YIPF7: variants seen among roughly 807,000 people sequenced by gnomAD.
YIPF7 encodes protein YIPF7.
In YIPF7, 35 loss-of-function variants were observed where a neutral mutation model predicts 27.2. The observed-to-expected ratio is 1.29, with a 90% CI of 0.98 to 1.70. The LOEUF (loss-of-function observed/expected upper bound fraction) is 1.70. Ranked by LOEUF, YIPF7 falls within the 40% of genes most tolerant of loss-of-function variation. The pLI is 0.00. For missense variants in YIPF7, 358 were observed against 303.7 expected (o/e 1.18, Z -1.33); for synonymous variants, 137 against 110.4 (o/e 1.24, Z -1.51).
intron 4 of YIPF7, among the ~76,000 whole-genome samples, chr4:44,624,985 G>T (rs1248769553): frequency 6.6e-6 from 1 of 152,156 alleles, no homozygotes; most frequent in Non-Finnish European, 1.5e-5. Flanking sequence ...CTTCTGACTA[G>T]AGTTAGGATG....
intron 2 of YIPF7, among the ~76,000 whole-genome samples, chr4:44,657,169 G>A (rs1349358477): frequency 6.6e-6 from 1 of 152,142 alleles, no homozygotes; most frequent in Non-Finnish European, 1.5e-5. Flanking sequence ...GATATAGTAT[G>A]TTTTTAATGT....
upstream of YIPF7, among the ~76,000 whole-genome samples, chr4:44,652,107 C>T (rs966824393): frequency 6.6e-6 from 1 of 152,114 alleles, no homozygotes; most frequent in African/African-American, 2.4e-5. Context: ...TTCCTGCTTC[C>T]TACTTTTCCA....
At chr4:44,634,431 G>T (rs1713033460) in intron 3 of YIPF7, among the ~76,000 whole-genome samples, 1 of 152,070 alleles carries the variant, frequency 6.6e-6, no homozygotes, top group African/African-American at 2.4e-5. Flanking sequence ...TACTCAGGAG[G>T]CTGAGGGGGA....
At chr4:44,627,918 A>G (rs1159214996) in intron 4 of YIPF7, among the ~76,000 whole-genome samples, 1 of 152,172 alleles carries the variant, frequency 6.6e-6, no homozygotes, top group Non-Finnish European at 1.5e-5. Flanking sequence ...TTATGTAAAT[A>G]ACTCCAACTA....
rs11461675 is a variant in YIPF7 at position 44,660,113 on chromosome 4, C to CAAAAAAAAAAAAA, written c.-2+323_-2+335dup. On this transcript the variant is annotated intron_variant, in intron 2 of 2. Transcript: ENST00000508947. ...TGGGTGACAGAGCAAGACTCTGTCT[C>CAAAAAAAAAAAAA]AAAAAAAAAAAAAAAAAAAAAAACG... is the stretch of plus-strand genomic sequence containing the variant. Among the ~76,000 whole-genome samples the CAAAAAAAAAAAAA allele has an allele frequency of 1.2e-3, 30 of 25,522 alleles. 10 individuals carry two copies. Among genetic ancestry groups the CAAAAAAAAAAAAA allele is most frequent in the Non-Finnish European group, 1.6e-3 (20 of 12,540 alleles). 16.7% of individuals were successfully genotyped at this position (25,522 alleles called of 152,430 possible).
intron 1 of YIPF7, among the ~76,000 whole-genome samples, chr4:44,651,328 C>T (rs1218413364): frequency 6.6e-6 from 1 of 152,064 alleles, no homozygotes; most frequent in Non-Finnish European, 1.5e-5. Flanking sequence ...AGTGATAAAT[C>T]TTTTAACAAT....
chr4:44,624,869 A>C, intron 4 of YIPF7, 87 bp from the exon 5 acceptor site: 2 of 1,247,152 alleles, frequency 1.6e-6, no homozygotes, highest in South Asian at 3.0e-5. Context: ...AGCATCTTAG[A>C]GTCAGTTCAG....
In YIPF7 at chr4:44,622,342, T is replaced by G; in HGVS notation, c.*72A>C. ...ATAAAACAGAAATCATATCACCAAATTTGAATGTTAATATATTTCCAAAAT... is the reference window on the plus strand; with the variant it reads ...ATAAAACAGAAATCATATCACCAAAGTTGAATGTTAATATATTTCCAAAAT... On this transcript the variant is annotated 3_prime_UTR_variant, in exon 6 of 6. Transcript: ENST00000415895. 6.7e-7 allele frequency: 1 copy of G among 1,494,914 alleles called. No homozygotes were observed. The highest frequency in any genetic ancestry group is 1.3e-5 in the South Asian group (1 of 74,960). 92.6% of individuals were successfully genotyped at this position (1,494,914 alleles called of 1,614,324 possible). A position where few individuals can be genotyped will look rare whatever the true frequency, so the allele number is the denominator to read the frequency against.
intron 2 of YIPF7, among the ~76,000 whole-genome samples, chr4:44,645,638 C>T (rs944845620): frequency 6.6e-6 from 1 of 152,116 alleles, no homozygotes; most frequent in African/African-American, 2.4e-5. Flanking sequence ...GTGATAATTT[C>T]AAATTCAGCA....
At chr4:44,626,804 C>G (rs1476037103) in intron 4 of YIPF7, among the ~76,000 whole-genome samples, 5 of 73,502 alleles carry the variant, frequency 6.8e-5, no homozygotes. Flanking sequence ...GTGATGGAGT[C>G]TCGCTCTTTC....
At chr4:44,651,753 T>C (rs1003567101), upstream of YIPF7, 6 of 512,210 alleles carry the variant, frequency 1.2e-5, no homozygotes, top group African/African-American at 3.9e-5. Context: ...ATAACACTTA[T>C]TATGGTTTAC....
intron 2 of YIPF7, among the ~76,000 whole-genome samples, chr4:44,649,412 T>C (rs1173528292): frequency 6.6e-6 from 1 of 152,158 alleles, no homozygotes; most frequent in East Asian, 1.9e-4. Context: ...GAGGCAAATG[T>C]TGGCTTTTCC....
Position 44,651,536 on chromosome 4 carries a change from G to A in YIPF7, c.-2+18C>T. Reference sequence around the variant, plus strand: ...TTTTGTTTAAATGCCAAGTCTTTTAGAAGGATCAGACACATACCTCTGTTT... The same window carrying A: ...TTTTGTTTAAATGCCAAGTCTTTTAAAAGGATCAGACACATACCTCTGTTT... On this transcript the variant is annotated intron_variant, in intron 1 of 5. Transcript: ENST00000415895. The A allele has an allele frequency of 6.5e-7, 1 of 1,539,236 alleles. No homozygotes were observed. Among genetic ancestry groups the A allele is most frequent in the Non-Finnish European group, 8.8e-7 (1 of 1,138,486 alleles).
At chr4:44,635,779 T>C (rs1176901252) in intron 3 of YIPF7, 143 bp downstream of exon 3, 1 of 959,242 alleles carries the variant, frequency 1.0e-6, no homozygotes, top group Non-Finnish European at 1.5e-6. Context: ...GGTTTAAGGG[T>C]TTTGGTTCAG....
At position 44,634,222 on chromosome 4, in the gene YIPF7, A is replaced by G. The variant is rs187272171; in HGVS notation, c.280+1700T>C. ...TTCAAATAATATTTAATGACTTTAA[A>G]GAATGCTTGCATAGAAGTGCTCGTG... On this transcript the variant is annotated intron_variant, in intron 3 of 5. Transcript: ENST00000415895. Among the ~76,000 whole-genome samples the G allele has an allele frequency of 2.6e-5, 4 of 152,360 alleles. No homozygotes were observed. In the East Asian group the frequency reaches 7.7e-4, roughly 29 times the overall value.
At chr4:44,625,975 G>A (rs1244615936) in intron 4 of YIPF7, among the ~76,000 whole-genome samples, 2 of 152,188 alleles carry the variant, frequency 1.3e-5, no homozygotes, top group South Asian at 4.1e-4. Context: ...GAGCTTTTTA[G>A]CTGCCACTTT....
intron 2 of YIPF7, among the ~76,000 whole-genome samples, chr4:44,649,037 T>C (rs1328918702): frequency 6.6e-6 from 1 of 152,174 alleles, no homozygotes; most frequent in African/African-American, 2.4e-5. Flanking sequence ...TTAAATTGCA[T>C]ATTTAATTGC....
intron 2 of YIPF7, among the ~76,000 whole-genome samples, chr4:44,659,701 C>A (rs7679725): frequency 0.54 from 82,508 of 151,558 alleles, 23,376 homozygotes; most frequent in Non-Finnish European, 0.64. Context: ...TATTGTTTTA[C>A]AAAATCTTTA....
At position 44,629,497 on chromosome 4, in the gene YIPF7, T is replaced by C; in HGVS notation, c.332A>G (p.Asn111Ser). 1.3e-6 allele frequency: 2 copies of C among 1,581,216 alleles called. No homozygotes were observed. Among genetic ancestry groups the C allele is most frequent in the Non-Finnish European group, 1.7e-6 (2 of 1,162,778 alleles). Residue 111 changes from asparagine to serine, a missense_variant, in exon 4 of 6, where the codon AAC becomes AGC. By Grantham distance (46) the Asn-to-Ser change is conservative (BLOSUM62 1). Transcript: ENST00000415895. Reference sequence around the variant, plus strand: ...GCTGCCATCTACTGGCTTCATTGGGTTTAACACTGTCAAAGTTTTTTGCCA... The same window carrying C: ...GCTGCCATCTACTGGCTTCATTGGGCTTAACACTGTCAAAGTTTTTTGCCA... ...HIWQKTLTVL[N>S]PMKPVDGSIM... is the part of the protein sequence containing the mutation.
Sources: allele counts gnomAD v4.1 joint callset (sites outside exome capture counted in the v4.1 genomes callset), GRCh38; gene constraint gnomAD v4.1.1; transcripts MANE v1.5; gene names NCBI Gene and HGNC (gene_info 2026-07-23, HGNC 2026-07-21).